The following CNTN5 variants were observed in gnomAD, a reference collection of about 807,000 sequenced individuals.
CNTN5 encodes the protein contactin 5.
Under a neutral mutation model 129.1 loss-of-function variants are expected in CNTN5, and 77 were observed. That is an observed-to-expected ratio of 0.60 (90% CI 0.50 to 0.72). The LOEUF is 0.72. CNTN5 is among the 30% of genes least tolerant of loss of function. The probability of loss-of-function intolerance (pLI) is 0.00; values close to 1 mark genes in which losing one functional copy is unlikely to be tolerated. For synonymous variants in CNTN5, 509 were observed against 465.6 expected (o/e 1.09, Z -1.20); for missense variants, 1,478 against 1,328.8 (o/e 1.11, Z -1.75).
chr11:100,248,112 G>A (rs1057477007), intron 16 of CNTN5, among the ~76,000 whole-genome samples: 9 of 152,118 alleles, frequency 5.9e-5, no homozygotes, highest in African/African-American at 1.7e-4. Context: ...AGTATTTATA[G>A]GGTTAAAAAT....
chr11:99,946,305 G>A (rs553242004), intron 7 of CNTN5, among the ~76,000 whole-genome samples: 1 of 151,972 alleles, frequency 6.6e-6, no homozygotes, highest in East Asian at 1.9e-4. Flanking sequence ...TGAGATTTGG[G>A]AAAATATCAC....
chr11:99,341,219 C>G (rs1866498728), intron 2 of CNTN5, among the ~76,000 whole-genome samples: 1 of 152,016 alleles, frequency 6.6e-6, no homozygotes, highest in Non-Finnish European at 1.5e-5. Flanking sequence ...AATTTAACTT[C>G]TAATATCACA....
chr11:99,830,101 TTAGA>T (rs1428777822), intron 4 of CNTN5, among the ~76,000 whole-genome samples: 1 of 152,168 alleles, frequency 6.6e-6, no homozygotes, highest in Non-Finnish European at 1.5e-5. Flanking sequence ...GTGATTCAAA[TTAGA>T]TAGGTCAAAC....
At chr11:99,229,024 T>C (rs140456562) in intron 1 of CNTN5, among the ~76,000 whole-genome samples, 47 of 152,192 alleles carry the variant, frequency 3.1e-4, no homozygotes, top group African/African-American at 1.1e-3. Flanking sequence ...TTCCAATTTT[T>C]TCTACACATA....
chr11:100,338,795 G>A (rs1021016205), intron 21 of CNTN5, among the ~76,000 whole-genome samples: 3 of 151,732 alleles, frequency 2.0e-5, no homozygotes, highest in Non-Finnish European at 2.9e-5. Flanking sequence ...GGTGGTGCTA[G>A]GTGCCTGTGA....
At chr11:100,104,119 G>C (rs1009701644) in intron 13 of CNTN5, among the ~76,000 whole-genome samples, 29 of 137,788 alleles carry the variant, frequency 2.1e-4, no homozygotes, top group Admixed American at 3.9e-4. Context: ...TTTTGAGGCA[G>C]AGTCTTTCTC....
chr11:99,766,414 G>A (rs986154786), intron 3 of CNTN5, among the ~76,000 whole-genome samples: 4 of 151,910 alleles, frequency 2.6e-5, no homozygotes, highest in African/African-American at 9.7e-5. Context: ...AATAAATGGA[G>A]GAATGAATTC....
At chr11:99,321,362 CA>C (rs1865564367) in intron 1 of CNTN5, among the ~76,000 whole-genome samples, 1 of 148,954 alleles carries the variant, frequency 6.7e-6, no homozygotes, top group Non-Finnish European at 1.5e-5. Flanking sequence ...ATATATATAA[CA>C]TATATATATT....
intron 2 of CNTN5, among the ~76,000 whole-genome samples, chr11:99,491,304 T>G (rs1430436191): frequency 6.6e-6 from 1 of 152,170 alleles, no homozygotes; most frequent in Non-Finnish European, 1.5e-5. Flanking sequence ...TATTCCTATT[T>G]TCTTGTCTTC....
intron 4 of CNTN5, among the ~76,000 whole-genome samples, chr11:99,835,971 A>C (rs1001984472): frequency 3.9e-5 from 6 of 152,094 alleles, no homozygotes; most frequent in Non-Finnish European, 7.4e-5. Flanking sequence ...AATTTAGGGC[A>C]AGTCCGTAAA....
At chr11:99,696,658 C>A (rs760652570) in intron 3 of CNTN5, among the ~76,000 whole-genome samples, 38 of 151,056 alleles carry the variant, frequency 2.5e-4, no homozygotes, top group Non-Finnish European at 4.4e-4. Flanking sequence ...TAAACTAATA[C>A]AGTTAGATAT....
At chr11:99,223,843 A>C (rs985316788) in intron 1 of CNTN5, among the ~76,000 whole-genome samples, 5 of 152,154 alleles carry the variant, frequency 3.3e-5, no homozygotes, top group Admixed American at 2.6e-4. Flanking sequence ...AAGCTCCTCA[A>C]ATATTTGGAG....
At chr11:99,869,568 A>G (rs1356286755) in intron 6 of CNTN5, among the ~76,000 whole-genome samples, 1 of 152,164 alleles carries the variant, frequency 6.6e-6, no homozygotes, top group Non-Finnish European at 1.5e-5. Context: ...AACGGCAATC[A>G]TAGTCACTTC....
chr11:99,184,747 G>T (rs568986607), intron 1 of CNTN5, among the ~76,000 whole-genome samples: 45 of 152,092 alleles, frequency 3.0e-4, no homozygotes, highest in Non-Finnish European at 5.4e-4. Context: ...TGATTTTTTT[G>T]TGTGTGTAAT....
chr11:100,063,300 C>T (rs1431671776), intron 10 of CNTN5, among the ~76,000 whole-genome samples: 1 of 151,532 alleles, frequency 6.6e-6, no homozygotes, highest in Non-Finnish European at 1.5e-5. Flanking sequence ...GCTACTTAAA[C>T]AATCTGGGGT....
intron 6 of CNTN5, among the ~76,000 whole-genome samples, chr11:99,862,352 C>T (rs926786517): frequency 1.7e-5 from 1 of 57,850 alleles, no homozygotes; most frequent in African/African-American, 5.3e-5. Context: ...CCTTCATCTT[C>T]GCTTATAACA....
At chr11:99,233,764 G>A (rs1454326351) in intron 1 of CNTN5, among the ~76,000 whole-genome samples, 1 of 152,014 alleles carries the variant, frequency 6.6e-6, no homozygotes, top group Non-Finnish European at 1.5e-5. Context: ...TGGCTGACCC[G>A]GTGAAACCCA....
chr11:99,855,901 A>AT (rs35941073), intron 6 of CNTN5, among the ~76,000 whole-genome samples: 3 of 152,116 alleles, frequency 2.0e-5, no homozygotes, highest in African/African-American at 7.2e-5. Context: ...TATCCTTAGA[A>AT]TTTTTTTCAA....
chr11:99,107,402 G>A (rs1867046821), intron 1 of CNTN5, among the ~76,000 whole-genome samples: 1 of 152,026 alleles, frequency 6.6e-6, no homozygotes, highest in Non-Finnish European at 1.5e-5. Flanking sequence ...AAAAATGTAT[G>A]GAGTATCTCT....
Sources: allele counts gnomAD v4.1 joint callset (sites outside exome capture counted in the v4.1 genomes callset), GRCh38; gene constraint gnomAD v4.1.1; transcripts MANE v1.5; gene names NCBI Gene and HGNC (gene_info 2026-07-23, HGNC 2026-07-21).